Variants in RAPGEF1 observed in about 807,000 individuals in gnomAD.
RAPGEF1 encodes CRK SH3-binding GNRP.
Under a neutral mutation model 143.3 loss-of-function variants are expected in RAPGEF1, and 33 were observed. The ratio of observed to expected loss-of-function variants is 0.23; its 90% CI spans 0.17 to 0.31. RAPGEF1 has a LOEUF of 0.31. Ranked by LOEUF, RAPGEF1 falls within the 10% of genes least tolerant of loss-of-function variation. The probability of loss-of-function intolerance (pLI) is 1.00; values close to 1 mark genes in which losing one functional copy is unlikely to be tolerated. For synonymous variants in RAPGEF1, 629 were observed against 676.5 expected (o/e 0.93, Z 1.09); for missense variants, 1,199 against 1,645.4 (o/e 0.73, Z 4.69).
chr9:131,604,838 A>G, intron 13 of RAPGEF1, 93 bp downstream of exon 13: 1 of 1,210,200 alleles, frequency 8.3e-7, no homozygotes, highest in Non-Finnish European at 1.1e-6. Flanking sequence ...AGTGTCTTTC[A>G]GGAACGTGAA....
intron 3 of RAPGEF1, 21 bp from the exon 4 acceptor site, chr9:131,643,438 TA>T (rs1326898442): frequency 6.2e-7 from 1 of 1,604,468 alleles, no homozygotes; most frequent in Non-Finnish European, 8.5e-7. Context: ...ACGTTAGGCA[TA>T]AGGAGGAGGA....
intron 1 of RAPGEF1, among the ~76,000 whole-genome samples, chr9:131,672,392 A>T (rs1831544425): frequency 6.6e-6 from 1 of 152,246 alleles, no homozygotes; most frequent in South Asian, 2.1e-4. Context: ...GGGACTGGGC[A>T]TCAGATGACG....
At chr9:131,701,001 G>A (rs1306740688) in intron 1 of RAPGEF1, among the ~76,000 whole-genome samples, 1 of 151,984 alleles carries the variant, frequency 6.6e-6, no homozygotes, top group East Asian at 1.9e-4. Flanking sequence ...CCAACCCCTG[G>A]AGGCAAACTT....
At chr9:131,619,837 G>A (rs1224497675) in intron 11 of RAPGEF1, among the ~76,000 whole-genome samples, 1 of 152,196 alleles carries the variant, frequency 6.6e-6, no homozygotes, top group Non-Finnish European at 1.5e-5. Flanking sequence ...AACGCTTCCT[G>A]CATCTGCATT....
chr9:131,711,571 T>C (rs181242055), intron 1 of RAPGEF1, among the ~76,000 whole-genome samples: 7 of 152,286 alleles, frequency 4.6e-5, no homozygotes, highest in African/African-American at 1.7e-4. Flanking sequence ...TTGGCCAGGC[T>C]GGTCTCAAAC....
At chr9:131,582,371 C>A (rs1358800037) in intron 25 of RAPGEF1, among the ~76,000 whole-genome samples, 1 of 151,996 alleles carries the variant, frequency 6.6e-6, no homozygotes, top group East Asian at 1.9e-4. Context: ...TTCACCTGAG[C>A]GCTTCTTTTC....
intron 4 of RAPGEF1, among the ~76,000 whole-genome samples, chr9:131,642,022 G>A (rs1476900855): frequency 6.6e-6 from 1 of 152,220 alleles, no homozygotes; most frequent in African/African-American, 2.4e-5. Flanking sequence ...TTGCGGAATT[G>A]CGACAGAGAA....
chr9:131,611,626 A>C (rs943732510), intron 12 of RAPGEF1, among the ~76,000 whole-genome samples: 6 of 152,234 alleles, frequency 3.9e-5, no homozygotes, highest in African/African-American at 1.4e-4. Context: ...GTACAGACTG[A>C]AAAATGATTC....
chr9:131,626,457 G>C, intron 9 of RAPGEF1, 35 bp from the exon 10 acceptor site: 1 of 1,525,946 alleles, frequency 6.6e-7, no homozygotes, highest in Non-Finnish European at 8.8e-7. Context: ...AGACCCGTTA[G>C]CCACAGGCCC....
In RAPGEF1 at chr9:131,650,716, A is replaced by G; in HGVS notation, c.201+94T>C. The G allele has an allele frequency of 6.6e-7, 1 of 1,515,758 alleles. No individual in the cohort carries two copies. The highest frequency in any genetic ancestry group is 8.9e-7 in the Non-Finnish European group (1 of 1,120,528). The allele number at this position is 1,515,758 out of a possible 1,614,324, so 93.9% of individuals were successfully genotyped here. On this transcript the variant is annotated intron_variant, in intron 2 of 26. Transcript: ENST00000683357. This position sits in a 1 kb window ranked among gnomAD's most constrained non-coding sequence, Gnocchi z 4.7. ...GCTACGAAGTAGGTATGATGCACTGAAAGCTCAATCCCCAGGGAGGGAACA... is the reference window on the plus strand; with the variant it reads ...GCTACGAAGTAGGTATGATGCACTGGAAGCTCAATCCCCAGGGAGGGAACA...
At chr9:131,642,544 T>G (rs1410387972) in intron 4 of RAPGEF1, among the ~76,000 whole-genome samples, 1 of 152,212 alleles carries the variant, frequency 6.6e-6, no homozygotes. Flanking sequence ...CCTGAACACG[T>G]GCCTGCTTGC....
chr9:131,689,040 C>T (rs1262862341), intron 1 of RAPGEF1, among the ~76,000 whole-genome samples: 1 of 152,192 alleles, frequency 6.6e-6, no homozygotes, highest in Non-Finnish European at 1.5e-5. Flanking sequence ...TTTTTAAACT[C>T]GTTTCATCCA....
At chr9:131,601,432 A>T (rs1013628620) in intron 15 of RAPGEF1, among the ~76,000 whole-genome samples, 5 of 152,232 alleles carry the variant, frequency 3.3e-5, no homozygotes, top group Non-Finnish European at 7.3e-5. Flanking sequence ...AGAAAAGACA[A>T]GGCTATCGTG....
At chr9:131,661,952 T>C (rs1974214192) in intron 1 of RAPGEF1, among the ~76,000 whole-genome samples, 1 of 152,232 alleles carries the variant, frequency 6.6e-6, no homozygotes, top group Admixed American at 6.5e-5. Context: ...TATGAAAAAT[T>C]CTAGGAACTT....
At chr9:131,644,354 GGA>G (rs1345271545) in intron 3 of RAPGEF1, among the ~76,000 whole-genome samples, 1 of 151,142 alleles carries the variant, frequency 6.6e-6, no homozygotes, top group Non-Finnish European at 1.5e-5. Context: ...CTACAGAAGT[GGA>G]GTCTCTGAAC....
intron 1 of RAPGEF1, 84 bp from the exon 2 acceptor site, chr9:131,651,033 C>T: frequency 6.9e-7 from 1 of 1,448,942 alleles, no homozygotes; most frequent in Non-Finnish European, 9.3e-7. Flanking sequence ...TGAGCAATGT[C>T]CCCAAACCCA....
At chr9:131,608,331 T>C (rs1957441755) in intron 12 of RAPGEF1, among the ~76,000 whole-genome samples, 1 of 152,166 alleles carries the variant, frequency 6.6e-6, no homozygotes, top group South Asian at 2.1e-4. Flanking sequence ...CTAATACATA[T>C]TTGCTGATAC....
chr9:131,587,305 A>AACAC (rs71374114), intron 22 of RAPGEF1, among the ~76,000 whole-genome samples: 31,013 of 88,442 alleles, frequency 0.35, 9,215 homozygotes, highest in Middle Eastern at 0.44. Context: ...CTCCGTCTCA[A>AACAC]ACACACACAC....
chr9:131,647,918 GC>G (rs1413971572), intron 3 of RAPGEF1, among the ~76,000 whole-genome samples: 1 of 152,156 alleles, frequency 6.6e-6, no homozygotes, highest in Admixed American at 6.5e-5. Context: ...ATGTTTAGCA[GC>G]TTCCCAACCC....
Sources: gnomAD v4.1 joint callset for allele counts (sites outside exome capture counted in the v4.1 genomes callset) on GRCh38, gnomAD v4.1.1 for gene constraint, Gnocchi (gnomAD v3.1) non-coding constraint, MANE v1.5 for transcripts, NCBI Gene and HGNC (gene_info 2026-07-23, HGNC 2026-07-21) for gene names.